The following PLXDC2 variants were observed in gnomAD, a reference collection of about 807,000 sequenced individuals.
The protein encoded by PLXDC2 is plexin domain-containing protein 2.
PLXDC2 carries 40 observed loss-of-function variants against 68.9 expected under a neutral mutation model. The observed-to-expected ratio is 0.58, with a 90% CI of 0.45 to 0.76. PLXDC2 has a LOEUF of 0.76. Among genes scored for constraint, PLXDC2 ranks in the 30% least tolerant of loss-of-function variants. The probability of loss-of-function intolerance (pLI) is 0.00; values close to 1 mark genes in which losing one functional copy is unlikely to be tolerated. For synonymous variants in PLXDC2, 243 were observed against 234.2 expected (o/e 1.04, Z -0.34); for missense variants, 644 against 661.9 (o/e 0.97, Z 0.30).
chr10:20,109,579 C>T (rs1437198418), intron 4 of PLXDC2, among the ~76,000 whole-genome samples: 1 of 152,122 alleles, frequency 6.6e-6, no homozygotes, highest in African/African-American at 2.4e-5. Flanking sequence ...CCATAAATAT[C>T]AGTTTGATAT....
At chr10:20,120,075 CAG>C (rs1317131689) in intron 4 of PLXDC2, among the ~76,000 whole-genome samples, 1 of 152,016 alleles carries the variant, frequency 6.6e-6, no homozygotes, top group Non-Finnish European at 1.5e-5. Context: ...CTTGGAGAAA[CAG>C]TGTAAACCGG....
intron 2 of PLXDC2, among the ~76,000 whole-genome samples, chr10:20,044,243 T>TTCTTTCTTTCTTTCTTTCTTTCTTTC (rs1564293991): frequency 3.6e-4 from 41 of 114,284 alleles, no homozygotes; most frequent in Middle Eastern, 4.1e-3. Context: ...CTTTCTTTCT[T>TTCTTTCTTTCTTTCTTTCTTTCTTTC]TCTTTCTTTC....
intron 2 of PLXDC2, among the ~76,000 whole-genome samples, chr10:20,024,971 A>G (rs1249094405): frequency 2.6e-5 from 4 of 152,256 alleles, no homozygotes; most frequent in South Asian, 4.1e-4. Context: ...TCCACCATCG[A>G]TGGGCACCTA....
At chr10:19,884,547 C>T (rs1447608108) in intron 1 of PLXDC2, among the ~76,000 whole-genome samples, 1 of 145,902 alleles carries the variant, frequency 6.9e-6, no homozygotes, top group African/African-American at 2.5e-5. Flanking sequence ...TGTTCCCCTT[C>T]CTGTGTCCAT....
chr10:19,843,912 G>T (rs913598946), intron 1 of PLXDC2, among the ~76,000 whole-genome samples: 1 of 152,186 alleles, frequency 6.6e-6, no homozygotes, highest in African/African-American at 2.4e-5. Flanking sequence ...ATTTCAAATA[G>T]CTGGAAGAGA....
chr10:19,862,845 A>C (rs1837341888), intron 1 of PLXDC2, among the ~76,000 whole-genome samples: 1 of 152,278 alleles, frequency 6.6e-6, no homozygotes, highest in African/African-American at 2.4e-5. Context: ...CAGAGCCCTG[A>C]TCTCTTATTC....
At position 20,250,320 on chromosome 10, in the gene PLXDC2, A is replaced by T. The variant is rs113298912; in HGVS notation, c.1473+4815A>T. Among the ~76,000 whole-genome samples the T allele has an allele frequency of 6.0e-3, 905 of 151,528 alleles. 7 individuals are homozygous for T. Among genetic ancestry groups the T allele is most frequent in the African/African-American group, 0.02 (825 of 41,314 alleles). The stretch of plus-strand genomic sequence containing the variant: ...CATGACTCTATCCTTGAGTGTATAT[A>T]TCAGAGCTCATGCACCCAGTCTCCT... On this transcript the variant is annotated intron_variant, in intron 13 of 13. Coordinates refer to ENST00000377252, the MANE Select transcript of PLXDC2 (RefSeq NM_032812.9).
intron 1 of PLXDC2, among the ~76,000 whole-genome samples, chr10:19,913,171 A>G (rs1833305028): frequency 6.6e-6 from 1 of 152,138 alleles, no homozygotes; most frequent in South Asian, 2.1e-4. Flanking sequence ...TCGATTTGTA[A>G]TCCTCAGTGT....
At chr10:19,925,247 G>C (rs1320517407) in intron 1 of PLXDC2, among the ~76,000 whole-genome samples, 2 of 152,170 alleles carry the variant, frequency 1.3e-5, no homozygotes, top group Admixed American at 6.5e-5. Flanking sequence ...GAGCCTGCAT[G>C]GCCTCTGCAC....
intron 13 of PLXDC2, among the ~76,000 whole-genome samples, chr10:20,253,462 A>T (rs1835705421): frequency 6.6e-6 from 1 of 151,792 alleles, no homozygotes; most frequent in African/African-American, 2.4e-5. Context: ...ATTAGAAGTT[A>T]TAAGTTATTT....
chr10:20,243,680 G>C (rs1184284963), intron 12 of PLXDC2, among the ~76,000 whole-genome samples: 1 of 149,602 alleles, frequency 6.7e-6, no homozygotes, highest in Admixed American at 6.7e-5. Flanking sequence ...AAAGAAATCA[G>C]TGCTTATTAA....
chr10:19,834,436 A>T (rs546066800), intron 1 of PLXDC2, among the ~76,000 whole-genome samples: 1 of 152,290 alleles, frequency 6.6e-6, no homozygotes, highest in South Asian at 2.1e-4. Context: ...AGGGGCTGAG[A>T]GAAAACTGCT....
At chr10:19,998,109 C>G (rs1281010335) in intron 1 of PLXDC2, among the ~76,000 whole-genome samples, 2 of 152,172 alleles carry the variant, frequency 1.3e-5, no homozygotes, top group Non-Finnish European at 2.9e-5. Context: ...TTCAGCCAGA[C>G]TATTCAAAGA....
At chr10:20,043,747 G>A (rs59709344) in intron 2 of PLXDC2, among the ~76,000 whole-genome samples, 15 of 151,728 alleles carry the variant, frequency 9.9e-5, no homozygotes, top group Admixed American at 2.0e-4. Flanking sequence ...TTTAAACACC[G>A]TGAATATTTT....
chr10:19,945,724 T>C lies in PLXDC2; in HGVS notation c.113-56051T>C, dbSNP rs141439274. Among the ~76,000 whole-genome samples the C allele has an allele frequency of 8.5e-5, 13 of 152,162 alleles. No homozygotes were observed. The East Asian group carries it at 1.9e-3, about 23-fold the overall frequency. On this transcript the variant is annotated intron_variant, in intron 1 of 13. Transcript: ENST00000377252. ...CCCAAGTACACTCATATGCTTAGAG[T>C]CAGTTCAATTGCCTCTGGATAGCAG...
intron 1 of PLXDC2, among the ~76,000 whole-genome samples, chr10:19,939,083 T>G (rs1352360517): frequency 6.6e-6 from 1 of 152,176 alleles, no homozygotes; most frequent in African/African-American, 2.4e-5. Flanking sequence ...CAAAAATATT[T>G]CAAGGTTTTA....
chr10:20,288,922 T>C lies in PLXDC2; in HGVS notation c.*9103T>C, dbSNP rs539510729. The C allele has an allele frequency of 6.6e-6, 1 of 152,262 alleles. No individual in the cohort carries two copies. Among genetic ancestry groups the C allele is most frequent in the Non-Finnish European group, 1.5e-5 (1 of 68,028 alleles). 9.4% of individuals were successfully genotyped at this position (152,262 alleles called of 1,614,324 possible). On this transcript the variant is annotated 3_prime_UTR_variant, in exon 14 of 14. Transcript: ENST00000377252. Reference sequence around the variant, plus strand: ...GATTGCTATTTTCAGAAGCAAACCATGTTTTTCACTTACAGTAGGAGTCAA... The same window carrying C: ...GATTGCTATTTTCAGAAGCAAACCACGTTTTTCACTTACAGTAGGAGTCAA...
intron 1 of PLXDC2, among the ~76,000 whole-genome samples, chr10:19,921,334 A>G (rs371753185): frequency 2.5e-4 from 38 of 152,246 alleles, no homozygotes; most frequent in African/African-American, 9.1e-4. Flanking sequence ...AGAGACAATT[A>G]ATCAAAAGCA....
intron 2 of PLXDC2, among the ~76,000 whole-genome samples, chr10:20,039,959 AT>A (rs377452256): frequency 4.6e-5 from 7 of 152,224 alleles, no homozygotes; most frequent in African/African-American, 1.2e-4. Context: ...AGAAATAAAA[AT>A]AAAATTCTAA....
Sources: allele counts gnomAD v4.1 joint callset (sites outside exome capture counted in the v4.1 genomes callset), GRCh38; gene constraint gnomAD v4.1.1; transcripts MANE v1.5; gene names NCBI Gene and HGNC (gene_info 2026-07-23, HGNC 2026-07-21).